ZBTB16: variants seen among roughly 807,000 people sequenced by gnomAD.
ZBTB16 encodes zinc finger and BTB domain-containing protein 16.
Under a neutral mutation model 56.8 loss-of-function variants are expected in ZBTB16, and 8 were observed. The observed-to-expected ratio is 0.14, with a 90% confidence interval of 0.08 to 0.25. The LOEUF is 0.25. Among genes scored for constraint, ZBTB16 ranks in the 10% least tolerant of loss-of-function variants. The probability of loss-of-function intolerance (pLI) is 1.00; values close to 1 mark genes in which losing one functional copy is unlikely to be tolerated. For synonymous variants in ZBTB16, 363 were observed against 368.5 expected (o/e 0.98, Z 0.17); for missense variants, 625 against 903.0 (o/e 0.69, Z 3.95).
chr11:114,160,688 T>C (rs1026017709), intron 3 of ZBTB16, among the ~76,000 whole-genome samples: 2 of 152,230 alleles, frequency 1.3e-5, no homozygotes, highest in African/African-American at 4.8e-5. Flanking sequence ...TGAATTTCAG[T>C]TTAATTGAAG....
chr11:114,073,053 C>CAA (rs11349665), intron 2 of ZBTB16, among the ~76,000 whole-genome samples: 11 of 69,894 alleles, frequency 1.6e-4, no homozygotes, highest in Admixed American at 5.9e-4. Context: ...GAGACTGTCT[C>CAA]AAAAAAAAAA....
rs186275633 is a variant in ZBTB16 at position 114,255,681 on chromosome 11, C to T, written c.*5126C>T. On this transcript the variant is annotated 3_prime_UTR_variant, in exon 7 of 7. Transcript: ENST00000335953. ...TCTGCCTTCGTTTCGTGTAGATTGA[C>T]GCGTTTCTTTGTAATTTCAGTGTTT... Among the ~76,000 whole-genome samples the T allele has an allele frequency of 7.6e-5, 11 of 144,456 alleles. No individual in the cohort carries two copies. The highest frequency in any genetic ancestry group is 2.1e-4 in the African/African-American group (8 of 38,580). The allele number at this position is 144,456 out of a possible 152,430, so 94.8% of individuals were successfully genotyped here. A position where few individuals can be genotyped will look rare whatever the true frequency, so the allele number is the denominator to read the frequency against.
intron 4 of ZBTB16, among the ~76,000 whole-genome samples, chr11:114,223,304 T>C (rs935578180): frequency 5.9e-5 from 9 of 152,034 alleles, no homozygotes; most frequent in Non-Finnish European, 1.0e-4. Context: ...TGGATATGAG[T>C]GTACACCTAA....
intron 4 of ZBTB16, chr11:114,237,138 T>C (rs1211284718): frequency 2.0e-5 from 3 of 152,278 alleles, no homozygotes; most frequent in Non-Finnish European, 1.5e-5. Flanking sequence ...ACCATAAATA[T>C]GCAGCCAGGT....
chr11:114,091,205 G>C (rs1431918725), intron 2 of ZBTB16, among the ~76,000 whole-genome samples: 1 of 152,108 alleles, frequency 6.6e-6, no homozygotes, highest in Non-Finnish European at 1.5e-5. Context: ...AAAATTAACG[G>C]GACGTTGTGG....
At chr11:114,230,877 GTC>G (rs1261661114) in intron 4 of ZBTB16, among the ~76,000 whole-genome samples, 1 of 151,924 alleles carries the variant, frequency 6.6e-6, no homozygotes. Flanking sequence ...TCTTGCCTCT[GTC>G]TCTCTCTCTT....
intron 4 of ZBTB16, chr11:114,188,242 C>T (rs1943408777): frequency 6.6e-6 from 1 of 152,080 alleles, no homozygotes; most frequent in Non-Finnish European, 1.5e-5. Context: ...TCTCAGTAAC[C>T]CTGTAAGGTA....
intron 3 of ZBTB16, among the ~76,000 whole-genome samples, chr11:114,161,647 G>A (rs1250044152): frequency 6.6e-6 from 1 of 152,182 alleles, no homozygotes; most frequent in Non-Finnish European, 1.5e-5. Flanking sequence ...TGTAGGCTGG[G>A]CCTGCAGGGA....
At chr11:114,192,323 A>G (rs1007195376) in intron 4 of ZBTB16, among the ~76,000 whole-genome samples, 6 of 152,142 alleles carry the variant, frequency 3.9e-5, no homozygotes, top group African/African-American at 1.4e-4. Context: ...ACCATATTTC[A>G]TCAATCAGAT....
chr11:114,214,373 G>A (rs915398447), intron 4 of ZBTB16, among the ~76,000 whole-genome samples: 1 of 152,146 alleles, frequency 6.6e-6, no homozygotes, highest in African/African-American at 2.4e-5. Flanking sequence ...ATTAATAACT[G>A]TGATAGTTAT....
intron 2 of ZBTB16, among the ~76,000 whole-genome samples, chr11:114,090,107 G>T (rs1048389152): frequency 2.2e-4 from 33 of 152,310 alleles, no homozygotes; most frequent in African/African-American, 7.7e-4. Context: ...TTGCTCTCAT[G>T]CCCACTTTAT....
intron 5 of ZBTB16, among the ~76,000 whole-genome samples, chr11:114,245,322 A>C (rs1260047847): frequency 6.6e-6 from 1 of 152,178 alleles, no homozygotes; most frequent in African/African-American, 2.4e-5. Context: ...GCAACACCCC[A>C]TAGATTGGGG....
intron 2 of ZBTB16, among the ~76,000 whole-genome samples, chr11:114,139,922 G>A (rs981810044): frequency 6.6e-6 from 1 of 152,110 alleles, no homozygotes; most frequent in South Asian, 2.1e-4. Flanking sequence ...TAGGAAGGAC[G>A]GCACCGAGGG....
rs564971235 is a variant in ZBTB16, at chr11:114,078,968, C to T, written c.1268+14400C>T. On this transcript the variant is annotated intron_variant, in intron 2 of 6. Transcript: ENST00000335953. Reference sequence around the variant, plus strand: ...TCGGGGGAGGCTGAGGCAGGAAAATCGCTTGGGATTACAGGTGCCTGTAAT... The same window carrying T: ...TCGGGGGAGGCTGAGGCAGGAAAATTGCTTGGGATTACAGGTGCCTGTAAT... Among the ~76,000 whole-genome samples the T allele has an allele frequency of 3.3e-5, 5 of 151,274 alleles. No homozygotes were observed. The East Asian group carries it at 9.7e-4, about 29-fold the overall frequency.
intron 2 of ZBTB16, among the ~76,000 whole-genome samples, chr11:114,077,166 C>T (rs1355389393): frequency 6.6e-6 from 1 of 152,102 alleles, no homozygotes; most frequent in African/African-American, 2.4e-5. Context: ...CTATTCCATT[C>T]AGTCTTTCAT....
At chr11:114,153,906 C>T (rs911432392) in intron 2 of ZBTB16, among the ~76,000 whole-genome samples, 6 of 152,314 alleles carry the variant, frequency 3.9e-5, no homozygotes, top group South Asian at 4.1e-4. Context: ...ATGGCCGAGT[C>T]AGGTGGGAGG....
chr11:114,151,504 A>G (rs1407939549), intron 2 of ZBTB16, among the ~76,000 whole-genome samples: 1 of 152,212 alleles, frequency 6.6e-6, no homozygotes, highest in Non-Finnish European at 1.5e-5. Context: ...TACAGGTCCT[A>G]GTTCCCCATG....
intron 2 of ZBTB16, among the ~76,000 whole-genome samples, 160 bp from the exon 3 acceptor site, chr11:114,156,177 C>T (rs185656264): frequency 1.8e-4 from 28 of 152,326 alleles, no homozygotes; most frequent in Admixed American, 1.5e-3. Flanking sequence ...GCGTGATTTA[C>T]GCTGTCTGAG....
chr11:114,205,170 G>T (rs1943831722), intron 4 of ZBTB16, among the ~76,000 whole-genome samples: 1 of 152,108 alleles, frequency 6.6e-6, no homozygotes. Flanking sequence ...AGCACTTTGG[G>T]AGGCCGAGGT....
Sources: allele counts gnomAD v4.1 joint callset (sites outside exome capture counted in the v4.1 genomes callset), GRCh38; gene constraint gnomAD v4.1.1; transcripts MANE v1.5; gene names NCBI Gene and HGNC (gene_info 2026-07-23, HGNC 2026-07-21).